Variants in LRMDA observed in about 807,000 individuals in gnomAD.
The protein encoded by LRMDA is leucine-rich melanocyte differentiation-associated protein.
A neutral mutation model predicts 29.8 loss-of-function variants in LRMDA; 18 were observed. The observed-to-expected ratio is 0.60, with a 90% confidence interval of 0.42 to 0.90. The LOEUF (loss-of-function observed/expected upper bound fraction) is 0.90. Among genes scored for constraint, LRMDA ranks in the 40% least tolerant of loss-of-function variants. LRMDA has a pLI of 0.00. For synonymous variants in LRMDA, 125 were observed against 109.4 expected (o/e 1.14, Z -0.89); for missense variants, 273 against 273.9 (o/e 1.00, Z 0.02).
At chr10:75,536,374 C>T (rs1462276237) in intron 2 of LRMDA, among the ~76,000 whole-genome samples, 4 of 152,204 alleles carry the variant, frequency 2.6e-5, no homozygotes, top group Admixed American at 1.3e-4. Flanking sequence ...GATGCTCTCT[C>T]TGTCCTCCAT....
intron 2 of LRMDA, among the ~76,000 whole-genome samples, chr10:75,949,125 C>T (rs1846529673): frequency 1.3e-5 from 2 of 152,054 alleles, no homozygotes; most frequent in Non-Finnish European, 2.9e-5. Flanking sequence ...AGCATGAGGC[C>T]TGAAGAAGTG....
intron 6 of LRMDA, among the ~76,000 whole-genome samples, chr10:76,410,084 T>C (rs538392565): frequency 6.6e-6 from 1 of 152,060 alleles, no homozygotes; most frequent in South Asian, 2.1e-4. Context: ...GCATGTATAA[T>C]GGGCCAGAGG....
intron 5 of LRMDA, among the ~76,000 whole-genome samples, chr10:76,315,136 A>G (rs1282019313): frequency 1.3e-5 from 2 of 152,228 alleles, no homozygotes; most frequent in Non-Finnish European, 2.9e-5. Context: ...GACTAGTACT[A>G]TAACCTCTCT....
intron 2 of LRMDA, among the ~76,000 whole-genome samples, chr10:75,759,131 A>G: frequency 6.6e-6 from 1 of 152,192 alleles, no homozygotes; most frequent in East Asian, 1.9e-4. Context: ...TACCTGCAAA[A>G]TCACTGAAGA....
intron 5 of LRMDA, among the ~76,000 whole-genome samples, chr10:76,153,074 C>T (rs1429537417): frequency 6.6e-6 from 1 of 151,988 alleles, no homozygotes; most frequent in Non-Finnish European, 1.5e-5. Context: ...CTCCTGACCT[C>T]GTGATCTGCC....
Position 76,056,571 on chromosome 10 carries a change from C to T in LRMDA, c.399-2095C>T, listed in dbSNP as rs754736896. Among the ~76,000 whole-genome samples, 7 of 152,224 alleles carry T rather than the reference C, an allele frequency of 4.6e-5. No individual in the cohort carries two copies. The South Asian group carries it at 6.2e-4, about 14-fold the overall frequency. ...GCTGTCCCTTGGCCTCCCTGCTGTG[C>T]TCATCAGCACCCAAAGTCCAGAAGG... is the stretch of plus-strand genomic sequence containing the variant. On this transcript the variant is annotated intron_variant, in intron 4 of 6. Transcript: ENST00000611255.
intron 2 of LRMDA, among the ~76,000 whole-genome samples, chr10:75,942,909 G>C (rs1846416685): frequency 6.6e-6 from 1 of 152,102 alleles, no homozygotes; most frequent in South Asian, 2.1e-4. Context: ...CCATGAGTCT[G>C]GATTTGTGTG....
At chr10:75,657,510 C>G (rs185296445) in intron 2 of LRMDA, among the ~76,000 whole-genome samples, 31 of 152,312 alleles carry the variant, frequency 2.0e-4, no homozygotes, top group Admixed American at 7.2e-4. Context: ...AGGAACCAGA[C>G]TGCCTGGGAT....
At chr10:76,541,048 C>T (rs2395383) in intron 6 of LRMDA, among the ~76,000 whole-genome samples, 40,367 of 152,026 alleles carry the variant, frequency 0.27, 6,040 homozygotes, top group Non-Finnish European at 0.34. Flanking sequence ...GAAATCATTC[C>T]TTAGTCTGAT....
At chr10:75,435,381 T>G (rs1844252913) in intron 1 of LRMDA, among the ~76,000 whole-genome samples, 1 of 152,252 alleles carries the variant, frequency 6.6e-6, no homozygotes, top group South Asian at 2.1e-4. Flanking sequence ...ACTTCTTAAG[T>G]CTTTTTTCTA....
intron 5 of LRMDA, among the ~76,000 whole-genome samples, chr10:76,075,101 A>C (rs1848936424): frequency 6.6e-6 from 1 of 152,180 alleles, no homozygotes; most frequent in Non-Finnish European, 1.5e-5. Flanking sequence ...AGGCATATGA[A>C]CATTCATAAC....
chr10:76,342,104 T>G (rs965830742), intron 6 of LRMDA, among the ~76,000 whole-genome samples: 8 of 152,046 alleles, frequency 5.3e-5, no homozygotes, highest in Admixed American at 2.6e-4. Context: ...ACAAACAAAA[T>G]TTCAATAAAT....
chr10:75,814,139 G>T (rs1433607740), intron 2 of LRMDA, among the ~76,000 whole-genome samples: 7 of 152,174 alleles, frequency 4.6e-5, no homozygotes, highest in African/African-American at 1.7e-4. Context: ...CTGGACACTG[G>T]GCCCTTGAAC....
At chr10:75,615,985 T>C (rs1316605428) in intron 2 of LRMDA, among the ~76,000 whole-genome samples, 2 of 152,238 alleles carry the variant, frequency 1.3e-5, no homozygotes, top group African/African-American at 4.8e-5. Context: ...TTAATAGGTA[T>C]ATTAGTCTGT....
Position 76,446,088 on chromosome 10 carries a change from T to A in LRMDA, c.602-111121T>A, listed in dbSNP as rs561995753. The stretch of plus-strand genomic sequence containing the variant: ...GATCTGTATACAGCTATAAATAGTA[T>A]ACGGCATTGTTTTAGTACTTTTAAA... On this transcript the variant is annotated intron_variant, in intron 6 of 6. Transcript: ENST00000611255. 2.0e-5 allele frequency among the ~76,000 whole-genome samples: 3 copies of A among 152,332 alleles called. No homozygotes were observed. The East Asian group carries it at 5.8e-4, about 29-fold the overall frequency.
At chr10:76,529,541 T>C (rs1422699767) in intron 6 of LRMDA, among the ~76,000 whole-genome samples, 1 of 152,166 alleles carries the variant, frequency 6.6e-6, no homozygotes, top group Non-Finnish European at 1.5e-5. Context: ...TTAAGAATCA[T>C]AGTAAGCCTG....
intron 2 of LRMDA, among the ~76,000 whole-genome samples, chr10:75,731,728 G>A (rs1842701430): frequency 1.3e-5 from 2 of 152,204 alleles, no homozygotes; most frequent in Admixed American, 1.3e-4. Flanking sequence ...TTCAACTCTA[G>A]CACAAACTCT....
chr10:76,313,742 T>G (rs777769224), intron 5 of LRMDA, among the ~76,000 whole-genome samples: 3 of 152,212 alleles, frequency 2.0e-5, no homozygotes, highest in Admixed American at 6.5e-5. Flanking sequence ...ATAAATGATG[T>G]GTAGAACACA....
In LRMDA at chr10:76,454,926, T is replaced by C. The variant is rs115834756; in HGVS notation, c.602-102283T>C. 5.2e-3 allele frequency among the ~76,000 whole-genome samples: 791 copies of C among 152,284 alleles called. 10 individuals carry two copies. Among genetic ancestry groups the C allele is most frequent in the African/African-American group, 0.018 (763 of 41,544 alleles). On this transcript the variant is annotated intron_variant, in intron 6 of 6. Coordinates refer to ENST00000611255, the MANE Select transcript of LRMDA (RefSeq NM_001305581.2). ...GGGATCTGGTTTGACTGGGGCCAAGTTGTATTTCTGCTCTCTTTATTCCAT... is the reference window on the plus strand; with the variant it reads ...GGGATCTGGTTTGACTGGGGCCAAGCTGTATTTCTGCTCTCTTTATTCCAT...
Sources: gnomAD v4.1 joint callset for allele counts (sites outside exome capture counted in the v4.1 genomes callset) on GRCh38, gnomAD v4.1.1 for gene constraint, MANE v1.5 for transcripts, NCBI Gene and HGNC (gene_info 2026-07-23, HGNC 2026-07-21) for gene names.